Variants in PDLIM5 observed in about 807,000 individuals in gnomAD.
The protein encoded by PDLIM5 is PDZ and LIM domain 5.
Under a neutral mutation model 64.2 loss-of-function variants are expected in PDLIM5, and 34 were observed. The ratio of observed to expected loss-of-function variants is 0.53; its 90% CI spans 0.40 to 0.71. PDLIM5 has a LOEUF of 0.71. PDLIM5 is among the 30% of genes least tolerant of loss of function. The probability of loss-of-function intolerance (pLI) is 0.00; values close to 1 mark genes in which losing one functional copy is unlikely to be tolerated. For missense variants in PDLIM5, 683 were observed against 733.6 expected, an observed-to-expected ratio of 0.93 and a Z score of 0.80; for synonymous variants, 253 against 269.1, an observed-to-expected ratio of 0.94 and a Z score of 0.59.
intron 2 of PDLIM5, among the ~76,000 whole-genome samples, chr4:94,491,048 A>T (rs1476681299): frequency 6.6e-6 from 1 of 152,152 alleles, no homozygotes; most frequent in Non-Finnish European, 1.5e-5. Context: ...CCCACTGGGA[A>T]TTTTCATATG....
intron 10 of PDLIM5, 121 bp from the exon 11 acceptor site, chr4:94,657,306 G>T (rs530968983): frequency 1.5e-5 from 9 of 605,794 alleles, no homozygotes; most frequent in Middle Eastern, 2.9e-4. Flanking sequence ...AGACAAAAAT[G>T]AAGTATGTGT....
chr4:94,531,819 T>C (rs1730896102), intron 3 of PDLIM5, among the ~76,000 whole-genome samples: 1 of 152,188 alleles, frequency 6.6e-6, no homozygotes, highest in Non-Finnish European at 1.5e-5. Flanking sequence ...ACTGCATCTC[T>C]GTTAAAAAGT....
At chr4:94,576,521 T>C (rs1386051689) in intron 5 of PDLIM5, among the ~76,000 whole-genome samples, 1 of 152,254 alleles carries the variant, frequency 6.6e-6, no homozygotes, top group Non-Finnish European at 1.5e-5. Flanking sequence ...CTCATGTCTA[T>C]ATGTGAAGCA....
intron 3 of PDLIM5, among the ~76,000 whole-genome samples, chr4:94,560,872 G>T (rs1367434649): frequency 6.6e-6 from 1 of 151,966 alleles, no homozygotes; most frequent in Non-Finnish European, 1.5e-5. Context: ...GACTACAGTC[G>T]CCCGCCACCA....
chr4:94,629,729 C>G (rs1434063070), intron 8 of PDLIM5, among the ~76,000 whole-genome samples: 2 of 152,176 alleles, frequency 1.3e-5, no homozygotes, highest in Non-Finnish European at 2.9e-5. Flanking sequence ...TGCACCTGTT[C>G]CAGTGCTTTA....
intron 7 of PDLIM5, among the ~76,000 whole-genome samples, chr4:94,616,644 AAAGATT>A (rs1162707314): frequency 1.3e-5 from 2 of 152,192 alleles, no homozygotes; most frequent in African/African-American, 4.8e-5. Flanking sequence ...TATTTATGAT[AAAGATT>A]ATTAAAGTGC....
intron 9 of PDLIM5, among the ~76,000 whole-genome samples, chr4:94,649,538 T>C (rs2110478926): frequency 6.6e-6 from 1 of 152,278 alleles, no homozygotes; most frequent in South Asian, 2.1e-4. Context: ...TTATTTATCT[T>C]ACTGTCATCT....
At chr4:94,543,652 C>G (rs893642796) in intron 3 of PDLIM5, among the ~76,000 whole-genome samples, 1 of 152,024 alleles carries the variant, frequency 6.6e-6, no homozygotes, top group Non-Finnish European at 1.5e-5. Flanking sequence ...TGTTAGATTC[C>G]ACATAGGAGA....
In PDLIM5 at chr4:94,652,380, G is replaced by A. The variant is rs570107896; in HGVS notation, c.1284-2080G>A. ...AAAGCTCTACCATGCTCTGTGTTAT[G>A]GTCACAGTAAATTGAGCCTGGAAGA... is the stretch of plus-strand genomic sequence containing the variant. On this transcript the variant is annotated intron_variant, in intron 9 of 12. Transcript: ENST00000317968. Among the ~76,000 whole-genome samples the A allele has an allele frequency of 4.1e-4, 62 of 152,254 alleles. 1 individual carries two copies. In the South Asian group the frequency reaches 4.8e-3, roughly 12 times the overall value.
At chr4:94,492,088 T>C (rs903733655) in intron 2 of PDLIM5, among the ~76,000 whole-genome samples, 7 of 149,490 alleles carry the variant, frequency 4.7e-5, no homozygotes, top group Non-Finnish European at 1.0e-4. Context: ...TGTATAATAG[T>C]CAATGCTGAT....
chr4:94,625,346 A>G (rs981618093), intron 8 of PDLIM5, among the ~76,000 whole-genome samples: 5 of 152,228 alleles, frequency 3.3e-5, no homozygotes, highest in African/African-American at 4.8e-5. Context: ...AAACGTGTCC[A>G]TGGAGGCAGG....
chr4:94,544,622 G>A (rs544207080), intron 3 of PDLIM5, among the ~76,000 whole-genome samples: 1 of 152,220 alleles, frequency 6.6e-6, no homozygotes, highest in South Asian at 2.1e-4. Context: ...ATTTGTAGAG[G>A]GTCTGTTTTG....
chr4:94,635,123 A>G (rs926722849), intron 8 of PDLIM5, among the ~76,000 whole-genome samples: 2 of 152,204 alleles, frequency 1.3e-5, no homozygotes, highest in Non-Finnish European at 2.9e-5. Context: ...AAGTTAACGA[A>G]AGAGATTCTC....
chr4:94,489,062 G>A (rs1726610392), intron 2 of PDLIM5: 1 of 152,206 alleles, frequency 6.6e-6, no homozygotes, highest in African/African-American at 2.4e-5. Context: ...TTTTGGAATG[G>A]TCATAAAGGT....
chr4:94,583,110 C>G (rs988893342), intron 5 of PDLIM5: 1 of 157,380 alleles, frequency 6.4e-6, no homozygotes, highest in African/African-American at 2.4e-5. Context: ...CATTATATCC[C>G]AAATGCATTT....
intron 3 of PDLIM5, among the ~76,000 whole-genome samples, chr4:94,541,337 A>C (rs914380998): frequency 6.6e-6 from 1 of 152,220 alleles, no homozygotes; most frequent in African/African-American, 2.4e-5. Context: ...ATGCCCTGGC[A>C]TTTTCTGCAA....
At chr4:94,516,406 A>T (rs1440666411) in intron 2 of PDLIM5, among the ~76,000 whole-genome samples, 1 of 152,228 alleles carries the variant, frequency 6.6e-6, no homozygotes, top group Non-Finnish European at 1.5e-5. Flanking sequence ...ACATTTGCTC[A>T]CAGAGAGACA....
intron 2 of PDLIM5, among the ~76,000 whole-genome samples, chr4:94,485,849 CAAAAAAAAAA>C (rs10637280): frequency 1.0e-5 from 1 of 100,246 alleles, no homozygotes; most frequent in Non-Finnish European, 2.0e-5. Flanking sequence ...GACTCCGTCT[CAAAAAAAAAA>C]AAAAAAAGAA....
chr4:94,637,519 G>A (rs1052488673), intron 8 of PDLIM5, among the ~76,000 whole-genome samples: 4 of 152,044 alleles, frequency 2.6e-5, no homozygotes, highest in South Asian at 2.1e-4. Flanking sequence ...AGATCGTGCC[G>A]TTGCACTCCA....
Sources: allele counts gnomAD v4.1 joint callset (sites outside exome capture counted in the v4.1 genomes callset), GRCh38; gene constraint gnomAD v4.1.1; transcripts MANE v1.5; gene names NCBI Gene and HGNC (gene_info 2026-07-23, HGNC 2026-07-21).